Variants in ADAMTS12 observed in about 807,000 individuals in gnomAD.
ADAMTS12 encodes the protein ADAM metallopeptidase with thrombospondin type 1 motif 12, also known as A disintegrin and metalloproteinase with thrombospondin motifs 12.
In ADAMTS12, 118 loss-of-function variants were observed where a neutral mutation model predicts 167.8. The ratio of observed to expected loss-of-function variants is 0.70; its 90% CI spans 0.61 to 0.82. ADAMTS12 has a LOEUF of 0.82. Among genes scored for constraint, ADAMTS12 ranks in the 40% least tolerant of loss-of-function variants. The probability of loss-of-function intolerance (pLI) is 0.00; values close to 1 mark genes in which losing one functional copy is unlikely to be tolerated. For missense variants in ADAMTS12, 1,916 were observed against 1,998.8 expected, an observed-to-expected ratio of 0.96 and a Z score of 0.79; for synonymous variants, 704 against 716.9, an observed-to-expected ratio of 0.98 and a Z score of 0.29.
intron 2 of ADAMTS12, among the ~76,000 whole-genome samples, chr5:33,874,920 T>C (rs540558167): frequency 6.6e-6 from 1 of 152,060 alleles, no homozygotes; most frequent in East Asian, 1.9e-4. Flanking sequence ...ATACAAAAAT[T>C]AGCTGGGCAT....
chr5:33,570,664 G>A (rs1054044487), intron 19 of ADAMTS12, among the ~76,000 whole-genome samples: 4 of 151,992 alleles, frequency 2.6e-5, no homozygotes, highest in African/African-American at 4.8e-5. Context: ...AAAGACCATC[G>A]AGATTAGGAA....
At chr5:33,571,983 A>C (rs1177647484) in intron 19 of ADAMTS12, among the ~76,000 whole-genome samples, 5 of 152,262 alleles carry the variant, frequency 3.3e-5, no homozygotes, top group African/African-American at 1.2e-4. Flanking sequence ...TACACAAATA[A>C]ATTAGAAAAT....
intron 16 of ADAMTS12, among the ~76,000 whole-genome samples, chr5:33,596,500 G>A (rs1159801007): frequency 1.3e-5 from 2 of 152,156 alleles, no homozygotes; most frequent in Non-Finnish European, 2.9e-5. Context: ...TGGCCAAAAT[G>A]GTGAAACCCC....
intron 2 of ADAMTS12, among the ~76,000 whole-genome samples, chr5:33,821,138 A>AATC (rs757995837): frequency 6.6e-6 from 1 of 152,192 alleles, no homozygotes; most frequent in African/African-American, 2.4e-5. Flanking sequence ...AAATAATAAC[A>AATC]ATCATCATCA....
intron 16 of ADAMTS12, among the ~76,000 whole-genome samples, chr5:33,597,792 T>C (rs1737980554): frequency 6.6e-6 from 1 of 152,124 alleles, no homozygotes; most frequent in South Asian, 2.1e-4. Flanking sequence ...ATCATTGACA[T>C]CAGAGAAGCT....
intron 17 of ADAMTS12, 152 bp downstream of exon 17, chr5:33,595,782 C>T: frequency 9.2e-7 from 1 of 1,091,820 alleles, no homozygotes; most frequent in Non-Finnish European, 1.3e-6. Context: ...CAGGCTCCAA[C>T]AGCATAGCCA....
intron 2 of ADAMTS12, among the ~76,000 whole-genome samples, chr5:33,767,324 C>A (rs1406035546): frequency 6.6e-6 from 1 of 152,076 alleles, no homozygotes; most frequent in Non-Finnish European, 1.5e-5. Flanking sequence ...TCTGAACTTG[C>A]CACATCAGAT....
chr5:33,658,445 G>T, intron 6 of ADAMTS12, 112 bp from the exon 7 acceptor site: 1 of 1,276,826 alleles, frequency 7.8e-7, no homozygotes, highest in Non-Finnish European at 1.1e-6. Context: ...AAGTATGCTT[G>T]GCATTTTTTA....
Position 33,701,490 on chromosome 5 carries a change from A to G in ADAMTS12, c.635-17435T>C, listed in dbSNP as rs556924206. ...TGAAGCTCAAAGGGGAGTGCCGTTG[A>G]CAACCACCCCACCCACCCCAGCATA... is the stretch of plus-strand genomic sequence containing the variant. On this transcript the variant is annotated intron_variant, in intron 3 of 23. Transcript: ENST00000504830. Among the ~76,000 whole-genome samples, 7 of 152,304 alleles carry G rather than the reference A, an allele frequency of 4.6e-5. 2 individuals carry two copies. In the South Asian group the frequency reaches 1.2e-3, roughly 27 times the overall value.
intron 2 of ADAMTS12, among the ~76,000 whole-genome samples, chr5:33,767,246 A>G (rs1394467883): frequency 6.6e-6 from 1 of 152,226 alleles, no homozygotes; most frequent in African/African-American, 2.4e-5. Context: ...ATATGTTTTA[A>G]TATAATCACA....
At chr5:33,764,480 A>T (rs1035500366) in intron 2 of ADAMTS12, among the ~76,000 whole-genome samples, 1 of 152,222 alleles carries the variant, frequency 6.6e-6, no homozygotes, top group African/African-American at 2.4e-5. Flanking sequence ...TCTCCCTGAA[A>T]CATACTGTAG....
At chr5:33,791,447 G>T (rs1468873934) in intron 2 of ADAMTS12, among the ~76,000 whole-genome samples, 1 of 152,094 alleles carries the variant, frequency 6.6e-6, no homozygotes, top group Non-Finnish European at 1.5e-5. Context: ...ATATATCCTT[G>T]CTGTGCCTAG....
intron 2 of ADAMTS12, among the ~76,000 whole-genome samples, chr5:33,854,505 C>T (rs184382601): frequency 2.0e-4 from 30 of 152,318 alleles, no homozygotes; most frequent in African/African-American, 6.3e-4. Context: ...CCAGTAATAG[C>T]AGAGATCATT....
chr5:33,629,734 A>T (rs1049206191), intron 13 of ADAMTS12, among the ~76,000 whole-genome samples: 2 of 152,222 alleles, frequency 1.3e-5, no homozygotes, highest in Non-Finnish European at 1.5e-5. Flanking sequence ...ATAATTATTT[A>T]AAAACAATTT....
At chr5:33,891,690 CCA>C (rs1295029538) in intron 1 of ADAMTS12, 38 bp downstream of exon 1, 1 of 1,612,546 alleles carries the variant, frequency 6.2e-7, no homozygotes, top group Non-Finnish European at 8.5e-7. Flanking sequence ...GCAAGTCTTA[CCA>C]CCACTGTTTT....
At chr5:33,806,789 G>A (rs1051747818) in intron 2 of ADAMTS12, among the ~76,000 whole-genome samples, 3 of 152,196 alleles carry the variant, frequency 2.0e-5, no homozygotes, top group Non-Finnish European at 4.4e-5. Flanking sequence ...GATTTCCAAC[G>A]CATCCTATTT....
intron 2 of ADAMTS12, among the ~76,000 whole-genome samples, chr5:33,777,765 T>C (rs1745966850): frequency 6.6e-6 from 1 of 152,012 alleles, no homozygotes; most frequent in African/African-American, 2.4e-5. Flanking sequence ...TGGTCTTCTA[T>C]ATAGAAAATC....
chr5:33,544,679 A>G (rs1744876350), intron 22 of ADAMTS12, among the ~76,000 whole-genome samples: 1 of 152,140 alleles, frequency 6.6e-6, no homozygotes, highest in African/African-American at 2.4e-5. Context: ...GACCAAAAGA[A>G]CAGAACAGAG....
At chr5:33,689,431 A>G (rs544454562) in intron 3 of ADAMTS12, among the ~76,000 whole-genome samples, 1 of 151,828 alleles carries the variant, frequency 6.6e-6, no homozygotes, top group Admixed American at 6.6e-5. Context: ...AAAATCATAC[A>G]TAGAAGAAGT....
Sources: allele counts gnomAD v4.1 joint callset (sites outside exome capture counted in the v4.1 genomes callset), GRCh38; gene constraint gnomAD v4.1.1; transcripts MANE v1.5; gene names NCBI Gene and HGNC (gene_info 2026-07-23, HGNC 2026-07-21).